The following PTPRD variants were observed in gnomAD, a reference collection of about 807,000 sequenced individuals.
PTPRD encodes protein tyrosine phosphatase receptor type D.
PTPRD carries 34 observed loss-of-function variants against 214.5 expected under a neutral mutation model. That is an observed-to-expected ratio of 0.16 (90% CI 0.12 to 0.21). The LOEUF (loss-of-function observed/expected upper bound fraction) is 0.21, where lower values mean the gene tolerates loss of function less well. Ranked by LOEUF, PTPRD falls within the 10% of genes least tolerant of loss-of-function variation. The pLI, the probability that PTPRD is intolerant of heterozygous loss-of-function variation, is 1.00. For missense variants in PTPRD, 2,545 were observed against 2,398.7 expected, an observed-to-expected ratio of 1.06 and a Z score of -1.27; for synonymous variants, 1,128 against 845.7, an observed-to-expected ratio of 1.33 and a Z score of -5.79.
intron 3 of PTPRD, among the ~76,000 whole-genome samples, chr9:10,085,609 G>A (rs1054355813): frequency 1.7e-3 from 254 of 151,616 alleles, no homozygotes; most frequent in African/African-American, 5.4e-3. Flanking sequence ...ACACAGAGAA[G>A]AAAAGTGAGA....
At chr9:8,790,667 C>G (rs1599866980) in intron 11 of PTPRD, among the ~76,000 whole-genome samples, 2 of 151,748 alleles carry the variant, frequency 1.3e-5, no homozygotes, top group Middle Eastern at 3.4e-3. Context: ...ATACCTTAGT[C>G]ACAAGAGAAA....
Position 8,929,527 on chromosome 9 carries a change from C to T in PTPRD, c.-104+89170G>A, listed in dbSNP as rs184710933. Among the ~76,000 whole-genome samples the T allele has an allele frequency of 1.3e-3, 192 of 151,804 alleles. 1 individual carries two copies. Among genetic ancestry groups the T allele is most frequent in the African/African-American group, 4.4e-3 (181 of 41,360 alleles). On this transcript the variant is annotated intron_variant, in intron 11 of 45. Coordinates refer to ENST00000381196, the MANE Select transcript of PTPRD (RefSeq NM_002839.4). Reference sequence around the variant, plus strand: ...CGTATGTTGAACCTGCCTTGCATCCCAAGTATGAAGCCGACTTGATCGTGG... The same window carrying T: ...CGTATGTTGAACCTGCCTTGCATCCTAAGTATGAAGCCGACTTGATCGTGG...
intron 10 of PTPRD, among the ~76,000 whole-genome samples, chr9:9,074,755 T>C (rs900204660): frequency 6.6e-6 from 1 of 152,014 alleles, no homozygotes; most frequent in African/African-American, 2.4e-5. Flanking sequence ...TTGTATATTC[T>C]GATTATTAAT....
intron 14 of PTPRD, among the ~76,000 whole-genome samples, chr9:8,538,968 G>C: frequency 6.6e-6 from 1 of 151,776 alleles, no homozygotes; most frequent in Non-Finnish European, 1.5e-5. Flanking sequence ...CAAGGAATGA[G>C]AACAAGCAAA....
intron 3 of PTPRD, among the ~76,000 whole-genome samples, chr9:10,039,909 G>C (rs946007074): frequency 1.3e-5 from 2 of 151,960 alleles, no homozygotes; most frequent in Non-Finnish European, 2.9e-5. Flanking sequence ...TAAAATTTGA[G>C]CTTCACAATT....
chr9:8,951,160 A>AGTGTGTGTGTGTGT (rs746693477), intron 11 of PTPRD, among the ~76,000 whole-genome samples: 828 of 20,004 alleles, frequency 0.041, 7 homozygotes, highest in Middle Eastern at 0.12. Flanking sequence ...TGTGTGTGTA[A>AGTGTGTGTGTGTGT]GAGAGAGAGA....
At chr9:8,321,487 G>GTGTGTATATATATATATA (rs1168847469) in intron 44 of PTPRD, among the ~76,000 whole-genome samples, 2 of 44,550 alleles carry the variant, frequency 4.5e-5, no homozygotes, top group Non-Finnish European at 7.7e-5. Flanking sequence ...GTGTGTGTGT[G>GTGTGTATATATATATATA]TATATATATA....
At chr9:9,657,816 A>T (rs1444071204) in intron 7 of PTPRD, among the ~76,000 whole-genome samples, 9 of 152,158 alleles carry the variant, frequency 5.9e-5, no homozygotes. Context: ...GGTCTATGCC[A>T]TATGCTTTAG....
chr9:8,668,527 T>A (rs2097213800), intron 12 of PTPRD, among the ~76,000 whole-genome samples: 1 of 152,160 alleles, frequency 6.6e-6, no homozygotes, highest in Admixed American at 6.5e-5. Context: ...ATAAGATAAT[T>A]TCTGATTTTT....
chr9:8,918,838 A>G (rs1012593843), intron 11 of PTPRD, among the ~76,000 whole-genome samples: 2 of 152,120 alleles, frequency 1.3e-5, no homozygotes, highest in African/African-American at 4.8e-5. Context: ...TTGTATTACT[A>G]TGGCCATTTG....
At chr9:9,883,212 G>T (rs1184007878) in intron 5 of PTPRD, among the ~76,000 whole-genome samples, 1 of 152,042 alleles carries the variant, frequency 6.6e-6, no homozygotes, top group Admixed American at 6.6e-5. Flanking sequence ...TAATACACAA[G>T]AAAGATAGGC....
At chr9:9,486,516 T>G (rs2095644263) in intron 8 of PTPRD, among the ~76,000 whole-genome samples, 1 of 152,148 alleles carries the variant, frequency 6.6e-6, no homozygotes, top group Admixed American at 6.6e-5. Context: ...TGCTTTTTTT[T>G]TCCTCCCTCA....
At chr9:9,059,165 G>T (rs1167151291) in intron 10 of PTPRD, among the ~76,000 whole-genome samples, 1 of 152,188 alleles carries the variant, frequency 6.6e-6, no homozygotes, top group Admixed American at 6.5e-5. Flanking sequence ...TGAGGACCCA[G>T]ATGAAGTCAG....
At chr9:9,966,303 T>A (rs2094695102) in intron 4 of PTPRD, among the ~76,000 whole-genome samples, 1 of 152,180 alleles carries the variant, frequency 6.6e-6, no homozygotes, top group Non-Finnish European at 1.5e-5. Context: ...TCAGTCACAT[T>A]TACTAAAATC....
At chr9:10,096,604 A>C (rs1049550326) in intron 3 of PTPRD, among the ~76,000 whole-genome samples, 8 of 151,492 alleles carry the variant, frequency 5.3e-5, no homozygotes, top group Admixed American at 4.6e-4. Flanking sequence ...TTTTCTTGTA[A>C]ATTTGTTTGA....
intron 9 of PTPRD, among the ~76,000 whole-genome samples, chr9:9,314,363 A>C (rs1380284191): frequency 6.6e-6 from 1 of 152,150 alleles, no homozygotes; most frequent in Non-Finnish European, 1.5e-5. Flanking sequence ...GTAATGAGGT[A>C]GTATATAAAA....
At chr9:8,664,913 A>C (rs577963308) in intron 12 of PTPRD, among the ~76,000 whole-genome samples, 2 of 152,236 alleles carry the variant, frequency 1.3e-5, no homozygotes, top group South Asian at 2.1e-4. Context: ...ATAACAGTAC[A>C]CTGAAGACCT....
chr9:10,201,408 G>T (rs2099420574), intron 3 of PTPRD, among the ~76,000 whole-genome samples: 4 of 151,854 alleles, frequency 2.6e-5, no homozygotes, highest in Admixed American at 2.6e-4. Context: ...TTCAACATTG[G>T]CAAATGTTTA....
intron 5 of PTPRD, among the ~76,000 whole-genome samples, chr9:9,864,860 A>T (rs2063588604): frequency 2.0e-5 from 3 of 152,146 alleles, no homozygotes; most frequent in African/African-American, 7.2e-5. Flanking sequence ...TCACATTAAA[A>T]TTTATTACAC....
Sources: gnomAD v4.1 joint callset for allele counts (sites outside exome capture counted in the v4.1 genomes callset) on GRCh38, gnomAD v4.1.1 for gene constraint, MANE v1.5 for transcripts, NCBI Gene and HGNC (gene_info 2026-07-23, HGNC 2026-07-21) for gene names.